CRISP2: variants seen among roughly 807,000 people sequenced by gnomAD.
CRISP2 encodes cysteine-rich secretory protein 2.
A neutral mutation model predicts 31.7 loss-of-function variants in CRISP2; 29 were observed. That is an observed-to-expected ratio of 0.92 (90% CI 0.68 to 1.25). CRISP2 has a LOEUF of 1.25. Among genes scored for constraint, CRISP2 ranks in the 50% most tolerant of loss-of-function variants. The pLI is 0.00. For missense variants in CRISP2, 318 were observed against 286.5 expected (o/e 1.11, Z -0.79); for synonymous variants, 111 against 101.4 (o/e 1.09, Z -0.57).
At chr6:49,679,340 G>A in the CRISP2 span, among the ~76,000 whole-genome samples, 2 of 152,134 alleles carry the variant, frequency 1.3e-5, no homozygotes, top group African/African-American at 4.8e-5. Flanking sequence ...TTAAGGTACA[G>A]TATTAGCCAC....
the CRISP2 span, among the ~76,000 whole-genome samples, chr6:49,681,590 CAA>C: frequency 6.6e-6 from 1 of 152,098 alleles, no homozygotes; most frequent in Non-Finnish European, 1.5e-5. Flanking sequence ...TATAAACTAT[CAA>C]AAAGAAACAA....
At chr6:49,677,324 C>T in the CRISP2 span, among the ~76,000 whole-genome samples, 2 of 152,020 alleles carry the variant, frequency 1.3e-5, no homozygotes, top group African/African-American at 4.8e-5. Flanking sequence ...ATCAACTTAC[C>T]ATATTGAAAT....
chr6:49,682,114 C>T, the CRISP2 span, among the ~76,000 whole-genome samples: 1 of 152,078 alleles, frequency 6.6e-6, no homozygotes, highest in East Asian at 1.9e-4. Context: ...GGCATCTATA[C>T]TATACTATTT....
At chr6:49,707,647 C>T (rs1680894053) in intron 4 of CRISP2, among the ~76,000 whole-genome samples, 2 of 152,122 alleles carry the variant, frequency 1.3e-5, no homozygotes, top group Non-Finnish European at 2.9e-5. Context: ...CATTGATAAT[C>T]TAATTACAGT....
rs182644252 is a variant in CRISP2, at chr6:49,700,823, T to A, written c.67-39A>T. ...AAATTGGAATTATTATTTAACAATA[T>A]TGTAAATTTCATATAATAGTGAATA... On this transcript the variant is annotated intron_variant, in intron 4 of 9. Coordinates refer to ENST00000339139, the MANE Select transcript of CRISP2 (RefSeq NM_003296.4). 1.5e-3 allele frequency: 1,930 copies of A among 1,301,678 alleles called. 3 individuals carry two copies. The highest frequency in any genetic ancestry group is 1.9e-3 in the Non-Finnish European group (1,714 of 904,482). The allele number at this position is 1,301,678 out of a possible 1,614,324, so 80.6% of individuals were successfully genotyped here. A position where few individuals can be genotyped will look rare whatever the true frequency, so the allele number is the denominator to read the frequency against.
At chr6:49,698,224 A>T in intron 7 of CRISP2, 138 bp downstream of exon 7, 1 of 1,015,686 alleles carries the variant, frequency 9.8e-7, no homozygotes, top group Non-Finnish European at 1.4e-6. Flanking sequence ...TGACAGCTCT[A>T]CAACAGCCAA....
At chr6:49,696,017 AG>A (rs1204595156) in intron 8 of CRISP2, 93 bp from the exon 9 acceptor site, 1 of 701,616 alleles carries the variant, frequency 1.4e-6, no homozygotes, top group African/African-American at 1.8e-5. Flanking sequence ...ATAGTTATTC[AG>A]GGTTTTTAGT....
intron 4 of CRISP2, among the ~76,000 whole-genome samples, chr6:49,701,064 T>C (rs1172275313): frequency 1.3e-5 from 2 of 152,064 alleles, no homozygotes; most frequent in African/African-American, 4.8e-5. Context: ...GAATTGTGAG[T>C]AACTCATGGC....
chr6:49,706,786 T>C (rs1767109108), intron 4 of CRISP2, among the ~76,000 whole-genome samples: 1 of 152,232 alleles, frequency 6.6e-6, no homozygotes, highest in African/African-American at 2.4e-5. Flanking sequence ...ACCATTGGTC[T>C]GAGCATCTTA....
intron 8 of CRISP2, among the ~76,000 whole-genome samples, chr6:49,697,168 A>G (rs1306175224): frequency 6.6e-6 from 1 of 152,194 alleles, no homozygotes; most frequent in Non-Finnish European, 1.5e-5. Context: ...GATATTGTGA[A>G]TATCTTCTTA....
At chr6:49,713,659 G>GC (rs199993960), upstream of CRISP2, 2,857 of 152,148 alleles carry the variant, frequency 0.019, 27 homozygotes, top group Non-Finnish European at 0.03. Flanking sequence ...TCCTCCCATC[G>GC]CCCCCGCCTC....
chr6:49,678,479 T>C, the CRISP2 span, among the ~76,000 whole-genome samples: 47 of 152,252 alleles, frequency 3.1e-4, no homozygotes, highest in Non-Finnish European at 5.1e-4. Context: ...CAGACGAATC[T>C]GTACAATGGA....
the CRISP2 span, among the ~76,000 whole-genome samples, chr6:49,684,003 A>C: frequency 1.3e-5 from 2 of 152,038 alleles, no homozygotes; most frequent in Non-Finnish European, 2.9e-5. Context: ...TTTGAGTCCT[A>C]CTATATCTGT....
At chr6:49,685,147 T>C in the CRISP2 span, among the ~76,000 whole-genome samples, 1 of 152,182 alleles carries the variant, frequency 6.6e-6, no homozygotes, top group Admixed American at 6.5e-5. Flanking sequence ...TGGCCACCAA[T>C]GCTGCAGTGA....
chr6:49,699,044 G>C (rs1765227812), intron 6 of CRISP2, among the ~76,000 whole-genome samples: 2 of 152,120 alleles, frequency 1.3e-5, no homozygotes, highest in African/African-American at 2.4e-5. Flanking sequence ...CAGGAAATCA[G>C]ATATCACAAG....
chr6:49,704,197 G>A (rs1006053359), intron 4 of CRISP2, among the ~76,000 whole-genome samples: 8 of 151,888 alleles, frequency 5.3e-5, no homozygotes, highest in African/African-American at 1.9e-4. Context: ...TCATTTCCAG[G>A]AGTTGTGATT....
intron 4 of CRISP2, among the ~76,000 whole-genome samples, chr6:49,703,915 G>A (rs1214528454): frequency 6.7e-6 from 1 of 149,896 alleles, no homozygotes; most frequent in African/African-American, 2.5e-5. Context: ...GAGAGGCCAG[G>A]AAAGTTTTCC....
Position 49,692,767 on chromosome 6 carries a change from G to C in CRISP2, c.*6C>G, listed in dbSNP as rs1178266226. ...ATGCAGTCTTGCACAATGCTCACTA[G>C]GTAAATCAGTAAATTTTGTTCTCAC... On this transcript the variant is annotated 3_prime_UTR_variant, in exon 10 of 10. Transcript: ENST00000339139. 2 of 1,612,052 alleles carry C rather than the reference G, an allele frequency of 1.2e-6. No homozygotes were observed. The highest frequency in any genetic ancestry group is 1.1e-5 in the South Asian group (1 of 90,858).
chr6:49,706,970 C>T (rs1767139827), intron 4 of CRISP2, among the ~76,000 whole-genome samples: 1 of 152,074 alleles, frequency 6.6e-6, no homozygotes, highest in Non-Finnish European at 1.5e-5. Context: ...CACATCAAAG[C>T]ATAAAATAAC....
Sources: allele counts gnomAD v4.1 joint callset (sites outside exome capture counted in the v4.1 genomes callset), GRCh38; gene constraint gnomAD v4.1.1; transcripts MANE v1.5; gene names NCBI Gene and HGNC (gene_info 2026-07-23, HGNC 2026-07-21).